Variants in EFNA5 observed in about 807,000 individuals in gnomAD.
EFNA5 encodes ephrin-A5.
A neutral mutation model predicts 22.9 loss-of-function variants in EFNA5; 5 were observed. The observed-to-expected ratio is 0.22, with a 90% CI of 0.11 to 0.46. EFNA5 has a LOEUF of 0.46. EFNA5 is among the 20% of genes least tolerant of loss of function. The pLI is 0.99. For synonymous variants in EFNA5, 113 were observed against 112.2 expected (o/e 1.01, Z -0.04); for missense variants, 237 against 293.3 (o/e 0.81, Z 1.40).
chr5:107,473,690 G>A (rs1474639511), intron 1 of EFNA5, among the ~76,000 whole-genome samples: 9 of 141,218 alleles, frequency 6.4e-5, no homozygotes, highest in Non-Finnish European at 9.0e-5. Context: ...ACAGAGTTTC[G>A]CTCTTGTTGC....
In EFNA5 at chr5:107,380,565, C is replaced by A. The variant is rs1747420273; in HGVS notation, c.*690G>T. On this transcript the variant is annotated 3_prime_UTR_variant, in exon 5 of 5. Coordinates refer to ENST00000333274, the MANE Select transcript of EFNA5 (RefSeq NM_001962.3). ...CCTGCTCTGTATTAGCATTCCACAC[C>A]CAACCTGCCTCCTAGAAAAAAAAAA... is the stretch of plus-strand genomic sequence containing the variant. 2.8e-6 allele frequency: 1 copy of A among 352,296 alleles called. No homozygotes were observed. The highest frequency in any genetic ancestry group is 4.1e-5 in the East Asian group (1 of 24,242). The allele number at this position is 352,296 out of a possible 1,614,324, so 21.8% of individuals were successfully genotyped here.
chr5:107,412,573 C>T (rs468998), intron 2 of EFNA5, among the ~76,000 whole-genome samples: 118,392 of 152,118 alleles, frequency 0.78, 46,533 homozygotes, highest in Non-Finnish European at 0.81. Flanking sequence ...CATTTCTCCA[C>T]GTTTCTCAGG....
intron 2 of EFNA5, among the ~76,000 whole-genome samples, chr5:107,390,348 ATAAT>A (rs1282180053): frequency 6.6e-6 from 1 of 152,218 alleles, no homozygotes; most frequent in Non-Finnish European, 1.5e-5. Context: ...AAAAATACAG[ATAAT>A]TAATTATTAG....
At chr5:107,427,699 T>G (rs1409594320) in intron 1 of EFNA5, among the ~76,000 whole-genome samples, 190 bp from the exon 2 acceptor site, 2 of 152,030 alleles carry the variant, frequency 1.3e-5, no homozygotes, top group Non-Finnish European at 2.9e-5. Context: ...AAAAGCCATT[T>G]TACAGTGAGA....
At chr5:107,607,814 G>A (rs1580557499) in intron 1 of EFNA5, among the ~76,000 whole-genome samples, 1 of 151,988 alleles carries the variant, frequency 6.6e-6, no homozygotes, top group Non-Finnish European at 1.5e-5. Flanking sequence ...CCTTGCTTAC[G>A]GTGCATGACC....
intron 1 of EFNA5, among the ~76,000 whole-genome samples, chr5:107,596,352 A>G (rs1447103334): frequency 1.3e-5 from 2 of 152,172 alleles, no homozygotes; most frequent in African/African-American, 4.8e-5. Flanking sequence ...GATACCTCAT[A>G]TAAGTAGAAT....
intron 1 of EFNA5, among the ~76,000 whole-genome samples, chr5:107,428,042 A>G (rs1413758592): frequency 6.6e-6 from 1 of 152,236 alleles, no homozygotes; most frequent in African/African-American, 2.4e-5. Context: ...AATTAGAATC[A>G]TAACATTTTA....
In EFNA5 at chr5:107,585,818, G is replaced by T. The variant is rs552381494; in HGVS notation, c.125+84671C>A. ...AAATGTTTCAGAACTGTGGTTAGAA[G>T]TTAAGTTACATAAGAACATCTGGAT... On this transcript the variant is annotated intron_variant, in intron 1 of 4. Coordinates refer to ENST00000333274, the MANE Select transcript of EFNA5 (RefSeq NM_001962.3). 3.9e-5 allele frequency among the ~76,000 whole-genome samples: 6 copies of T among 152,312 alleles called. No individual in the cohort carries two copies. The East Asian group carries it at 1.2e-3, about 29-fold the overall frequency.
chr5:107,473,459 A>G (rs1485568109), intron 1 of EFNA5, among the ~76,000 whole-genome samples: 1 of 152,046 alleles, frequency 6.6e-6, no homozygotes, highest in Non-Finnish European at 1.5e-5. Context: ...CTCACTGGGG[A>G]GGCAAATAGA....
intron 1 of EFNA5, among the ~76,000 whole-genome samples, chr5:107,632,140 A>C (rs946275693): frequency 2.0e-5 from 3 of 151,402 alleles, no homozygotes; most frequent in Non-Finnish European, 4.4e-5. Context: ...CTCTTTACTT[A>C]CCTCTCTCCC....
chr5:107,434,342 G>A (rs151111484), intron 1 of EFNA5, among the ~76,000 whole-genome samples: 174 of 152,262 alleles, frequency 1.1e-3, no homozygotes, highest in African/African-American at 4.0e-3. Context: ...CTCCTGTGTT[G>A]TGGATATTGA....
intron 1 of EFNA5, among the ~76,000 whole-genome samples, chr5:107,509,130 T>C (rs1747308988): frequency 6.6e-6 from 1 of 152,356 alleles, no homozygotes; most frequent in South Asian, 2.1e-4. Context: ...ATAACAATGG[T>C]GACTAGCGTG....
intron 1 of EFNA5, among the ~76,000 whole-genome samples, chr5:107,639,731 C>A (rs867452870): frequency 5.4e-4 from 82 of 152,004 alleles, no homozygotes; most frequent in African/African-American, 2.0e-3. Flanking sequence ...CCTTTGTAAA[C>A]AGTAAACAAA....
chr5:107,617,237 C>CACACAG (rs1385888674), intron 1 of EFNA5, among the ~76,000 whole-genome samples: 14,947 of 144,070 alleles, frequency 0.1, 876 homozygotes, highest in Non-Finnish European at 0.12. Flanking sequence ...CACACACACA[C>CACACAG]AGAGAGAGAG....
chr5:107,420,543 A>G (rs1748627588), intron 2 of EFNA5, among the ~76,000 whole-genome samples: 2 of 90,012 alleles, frequency 2.2e-5, no homozygotes, highest in Non-Finnish European at 4.5e-5. Context: ...AAAAAAAAGA[A>G]AAAAAAAAAA....
At chr5:107,599,344 T>C (rs918267279) in intron 1 of EFNA5, among the ~76,000 whole-genome samples, 26 of 152,318 alleles carry the variant, frequency 1.7e-4, no homozygotes, top group African/African-American at 6.3e-4. Flanking sequence ...AAAAGCAAGA[T>C]ACAGAACAGA....
intron 1 of EFNA5, among the ~76,000 whole-genome samples, chr5:107,643,500 C>A (rs369305845): frequency 6.6e-6 from 1 of 152,260 alleles, no homozygotes; most frequent in East Asian, 1.9e-4. Flanking sequence ...GCTCTCCAGA[C>A]ACAACCATCT....
At chr5:107,504,195 A>G (rs1442962038) in intron 1 of EFNA5, among the ~76,000 whole-genome samples, 1 of 152,144 alleles carries the variant, frequency 6.6e-6, no homozygotes, top group East Asian at 1.9e-4. Flanking sequence ...AAGAGAGGGT[A>G]TTTTTTAAAT....
chr5:107,572,440 G>C (rs1369309310), intron 1 of EFNA5, among the ~76,000 whole-genome samples: 1 of 152,168 alleles, frequency 6.6e-6, no homozygotes, highest in African/African-American at 2.4e-5. Flanking sequence ...AAACCTGCTT[G>C]CTGCTTTGCA....
Sources: gnomAD v4.1 joint callset for allele counts (sites outside exome capture counted in the v4.1 genomes callset) on GRCh38, gnomAD v4.1.1 for gene constraint, MANE v1.5 for transcripts, NCBI Gene and HGNC (gene_info 2026-07-23, HGNC 2026-07-21) for gene names.